GALNT2: variants seen among roughly 807,000 people sequenced by gnomAD.
GALNT2 encodes the protein UDP-GalNAc:polypeptide N-acetylgalactosaminyltransferase 2.
Under a neutral mutation model 81.4 loss-of-function variants are expected in GALNT2, and 31 were observed. The observed-to-expected ratio is 0.38, with a 90% CI of 0.29 to 0.51. The LOEUF is 0.51. Among genes scored for constraint, GALNT2 ranks in the 20% least tolerant of loss-of-function variants. The probability of loss-of-function intolerance (pLI) is 0.87; values close to 1 mark genes in which losing one functional copy is unlikely to be tolerated. For missense variants in GALNT2, 629 were observed against 765.7 expected, an observed-to-expected ratio of 0.82 and a Z score of 2.11; for synonymous variants, 303 against 287.4, an observed-to-expected ratio of 1.05 and a Z score of -0.55.
intron 1 of GALNT2, among the ~76,000 whole-genome samples, chr1:230,171,910 A>C (rs1037629557): frequency 2.0e-5 from 3 of 152,144 alleles, no homozygotes; most frequent in Admixed American, 6.5e-5. Context: ...AACACCTCAC[A>C]GCCCCTGCCC....
chr1:230,081,372 T>C (rs1404021757), intron 1 of GALNT2, among the ~76,000 whole-genome samples: 1 of 152,238 alleles, frequency 6.6e-6, no homozygotes, highest in Non-Finnish European at 1.5e-5. Flanking sequence ...CTTTTCCAGC[T>C]TGTCTTTGAA....
rs1053908907 is a variant in GALNT2, at chr1:230,271,094, C to T, written c.1441-3351C>T. 3.3e-5 allele frequency among the ~76,000 whole-genome samples: 5 copies of T among 152,230 alleles called. No individual in the cohort carries two copies. The highest frequency in any genetic ancestry group is 1.2e-4 in the African/African-American group (5 of 41,458). ...AGTCTGGAACCCTTCTCCATACCAG[C>T]GTTGTCCCTCTTACTCAGGACTCTC... On this transcript the variant is annotated intron_variant, in intron 14 of 15. Transcript: ENST00000366672. The surrounding 1 kb of genome is among the most constrained non-coding windows in gnomAD (Gnocchi z 4.2).
At chr1:230,270,921 T>A (rs1666145362) in intron 14 of GALNT2, among the ~76,000 whole-genome samples, 1 of 152,270 alleles carries the variant, frequency 6.6e-6, no homozygotes, top group African/African-American at 2.4e-5. Context: ...TTTGCCCAGC[T>A]GAATTAGTTT....
chr1:230,238,571 C>A (rs1665101848), intron 6 of GALNT2, among the ~76,000 whole-genome samples: 1 of 152,070 alleles, frequency 6.6e-6, no homozygotes, highest in Non-Finnish European at 1.5e-5. Context: ...AATAGTAGGA[C>A]CAAAACCATG....
chr1:230,157,381 T>A (rs1662291412), intron 1 of GALNT2, among the ~76,000 whole-genome samples: 1 of 152,190 alleles, frequency 6.6e-6, no homozygotes, highest in African/African-American at 2.4e-5. Flanking sequence ...TCTTATCCCT[T>A]GCCAGTGGGA....
chr1:230,204,986 C>T (rs1338907816), intron 3 of GALNT2, among the ~76,000 whole-genome samples: 1 of 152,134 alleles, frequency 6.6e-6, no homozygotes, highest in Non-Finnish European at 1.5e-5. Flanking sequence ...AGGGTCAGGA[C>T]AGGTCCCAAG....
chr1:230,138,667 G>A (rs11587292), intron 1 of GALNT2, among the ~76,000 whole-genome samples: 5 of 151,994 alleles, frequency 3.3e-5, no homozygotes, highest in East Asian at 1.9e-4. Context: ...TATGAGTTTC[G>A]TGGGAAAGGG....
chr1:230,101,660 C>T (rs990313626), intron 1 of GALNT2, among the ~76,000 whole-genome samples: 4 of 152,180 alleles, frequency 2.6e-5, no homozygotes, highest in Admixed American at 2.6e-4. Context: ...TAATAAACAA[C>T]ATAAGAGTGA....
At chr1:230,192,614 G>A (rs182671844) in intron 2 of GALNT2, among the ~76,000 whole-genome samples, 12 of 152,304 alleles carry the variant, frequency 7.9e-5, no homozygotes, top group Admixed American at 7.8e-4. Flanking sequence ...AGAGATATAG[G>A]ATGATTCATA....
intron 1 of GALNT2, among the ~76,000 whole-genome samples, chr1:230,105,645 G>C (rs1463057810): frequency 6.6e-6 from 1 of 152,156 alleles, no homozygotes; most frequent in Non-Finnish European, 1.5e-5. Context: ...GGTGGGAGTT[G>C]CATAAATGTC....
Position 230,176,839 on chromosome 1 carries a change from A to G in GALNT2, c.127-1379A>G, listed in dbSNP as rs370200735. ...TAATACATTTGTTGCAGCGTGGGGT[A>G]AGACTTGCAAAAGTACATGGGGCAC... On this transcript the variant is annotated intron_variant, in intron 1 of 15. Transcript: ENST00000366672. Among the ~76,000 whole-genome samples the G allele has an allele frequency of 3.9e-4, 60 of 152,322 alleles. No individual in the cohort carries two copies. In the South Asian group the frequency reaches 8.1e-3, roughly 21 times the overall value.
chr1:230,090,176 C>T (rs1660022554), intron 1 of GALNT2, among the ~76,000 whole-genome samples: 1 of 152,054 alleles, frequency 6.6e-6, no homozygotes, highest in Non-Finnish European at 1.5e-5. Context: ...GTGTCTGTCA[C>T]CAAGATAGAA....
chr1:230,204,590 C>T (rs948743092), intron 3 of GALNT2, among the ~76,000 whole-genome samples: 2 of 152,198 alleles, frequency 1.3e-5, no homozygotes, highest in East Asian at 1.9e-4. Flanking sequence ...AAGTGATATG[C>T]ATAACCCTCA....
chr1:230,102,374 C>T (rs1660427611), intron 1 of GALNT2, among the ~76,000 whole-genome samples: 1 of 152,128 alleles, frequency 6.6e-6, no homozygotes, highest in Non-Finnish European at 1.5e-5. Context: ...CTGCTTGAGA[C>T]AGCAATGGCA....
At chr1:230,266,339 T>C (rs916097372) in intron 14 of GALNT2, among the ~76,000 whole-genome samples, 1 of 152,144 alleles carries the variant, frequency 6.6e-6, no homozygotes, top group Admixed American at 6.5e-5. Context: ...ATAATAGGAA[T>C]TGGGTGAAAT....
intron 1 of GALNT2, among the ~76,000 whole-genome samples, chr1:230,094,346 C>T (rs377039810): frequency 0.15 from 19 of 128 alleles, no homozygotes; most frequent in South Asian, 0.3. Context: ...TGCTTTCGGC[C>T]GGGGTGGCAG....
chr1:230,154,216 C>G (rs1662177420), intron 1 of GALNT2, among the ~76,000 whole-genome samples: 1 of 152,230 alleles, frequency 6.6e-6, no homozygotes, highest in Non-Finnish European at 1.5e-5. Flanking sequence ...GCCGTCCACC[C>G]TGCACTTGCA....
intron 2 of GALNT2, among the ~76,000 whole-genome samples, chr1:230,201,579 G>A (rs549370937): frequency 3.3e-4 from 51 of 152,310 alleles, no homozygotes; most frequent in Non-Finnish European, 6.8e-4. Flanking sequence ...TTATCATACC[G>A]TGTTTTCAAG....
intron 3 of GALNT2, 141 bp from the exon 4 acceptor site, chr1:230,235,873 A>G: frequency 1.5e-6 from 1 of 679,916 alleles, no homozygotes. Flanking sequence ...ATCTCAGAAC[A>G]GGCCAGGAAC....
Sources: allele counts gnomAD v4.1 joint callset (sites outside exome capture counted in the v4.1 genomes callset), GRCh38; gene constraint gnomAD v4.1.1; non-coding constraint Gnocchi (gnomAD v3.1); transcripts MANE v1.5; gene names NCBI Gene and HGNC (gene_info 2026-07-23, HGNC 2026-07-21).